Variants in LRRC7 observed in about 807,000 individuals in gnomAD.
LRRC7 encodes the protein leucine-rich repeat-containing protein 7.
A neutral mutation model predicts 175.7 loss-of-function variants in LRRC7; 23 were observed. That is an observed-to-expected ratio of 0.13 (90% CI 0.09 to 0.19). The LOEUF is 0.19. Ranked by LOEUF, LRRC7 falls within the 10% of genes least tolerant of loss-of-function variation. The pLI, the probability that LRRC7 is intolerant of heterozygous loss-of-function variation, is 1.00. For synonymous variants in LRRC7, 685 were observed against 680.9 expected, an observed-to-expected ratio of 1.01 and a Z score of -0.09; for missense variants, 1,354 against 1,904.7, an observed-to-expected ratio of 0.71 and a Z score of 5.38.
At chr1:70,114,332 T>G (rs1014695215) in intron 26 of LRRC7, among the ~76,000 whole-genome samples, 3 of 152,164 alleles carry the variant, frequency 2.0e-5, no homozygotes, top group Non-Finnish European at 4.4e-5. Flanking sequence ...GAGTAAGATT[T>G]TAATACAATT....
chr1:70,022,024 C>T (rs1178087992), intron 16 of LRRC7, among the ~76,000 whole-genome samples: 1 of 152,110 alleles, frequency 6.6e-6, no homozygotes, highest in Non-Finnish European at 1.5e-5. Flanking sequence ...CCTCTCCTTT[C>T]CACATTTTCT....
chr1:70,020,359 T>C (rs993911573), intron 15 of LRRC7, among the ~76,000 whole-genome samples: 1 of 152,022 alleles, frequency 6.6e-6, no homozygotes, highest in African/African-American at 2.4e-5. Context: ...CCCTGTTAAT[T>C]TGACATATTT....
At chr1:69,662,865 G>GA (rs933492531) in intron 1 of LRRC7, among the ~76,000 whole-genome samples, 9 of 152,028 alleles carry the variant, frequency 5.9e-5, no homozygotes, top group South Asian at 4.1e-4. Context: ...ACTTTCCTTG[G>GA]AAAAAAACTT....
At chr1:70,114,288 T>A (rs1200222271) in intron 26 of LRRC7, among the ~76,000 whole-genome samples, 1 of 152,196 alleles carries the variant, frequency 6.6e-6, no homozygotes, top group Non-Finnish European at 1.5e-5. Flanking sequence ...AATGTTTAGG[T>A]AAATAATTGC....
intron 8 of LRRC7, among the ~76,000 whole-genome samples, chr1:69,939,043 ATATC>A (rs1557911234): frequency 1.5e-5 from 1 of 64,870 alleles, no homozygotes; most frequent in Non-Finnish European, 3.9e-5. Context: ...ATATATATCT[ATATC>A]TATCTCACAG....
In LRRC7 at chr1:69,807,270, T is replaced by C. The variant is rs1039563922; in HGVS notation, c.421+15110T>C. ...ATCCAATTTGCCAGTCTGTGTCTTT[T>C]AATTGGAGCATTTAGCCCATTTTCA... On this transcript the variant is annotated intron_variant, in intron 4 of 26. Transcript: ENST00000651989. Among the ~76,000 whole-genome samples, 5 of 152,122 alleles carry C rather than the reference T, an allele frequency of 3.3e-5. No homozygotes were observed. The South Asian group carries it at 8.3e-4, about 25-fold the overall frequency.
chr1:69,765,510 T>A (rs1287920324), intron 3 of LRRC7, among the ~76,000 whole-genome samples: 1 of 152,078 alleles, frequency 6.6e-6, no homozygotes, highest in African/African-American at 2.4e-5. Context: ...TGAATATTTT[T>A]AGCAATGGAA....
At chr1:70,023,412 T>C in intron 17 of LRRC7, 38 bp downstream of exon 17, 6 of 1,508,704 alleles carry the variant, frequency 4.0e-6, no homozygotes, top group Non-Finnish European at 5.4e-6. Context: ...ATCTCCCATG[T>C]AGAGGCAACC....
At chr1:69,734,566 G>C (rs1198077405) in intron 2 of LRRC7, among the ~76,000 whole-genome samples, 1 of 151,648 alleles carries the variant, frequency 6.6e-6, no homozygotes, top group African/African-American at 2.4e-5. Flanking sequence ...TTCTATATTT[G>C]TTTAACCACT....
intron 7 of LRRC7, among the ~76,000 whole-genome samples, chr1:69,920,533 A>T (rs940963577): frequency 3.3e-5 from 5 of 152,210 alleles, no homozygotes; most frequent in African/African-American, 4.8e-5. Flanking sequence ...ACACTGAAGC[A>T]TAAGATATCA....
intron 5 of LRRC7, among the ~76,000 whole-genome samples, chr1:69,828,442 C>A (rs1254622000): frequency 1.3e-5 from 2 of 152,058 alleles, no homozygotes; most frequent in African/African-American, 2.4e-5. Flanking sequence ...TTGGTTCCAT[C>A]AGTTTTTTAT....
intron 11 of LRRC7, among the ~76,000 whole-genome samples, chr1:70,008,745 A>C (rs192605189): frequency 6.6e-6 from 1 of 152,292 alleles, no homozygotes; most frequent in Admixed American, 6.5e-5. Flanking sequence ...TTAATGGTTA[A>C]ATTATTTGGT....
chr1:69,812,550 TA>T (rs1678020873), intron 4 of LRRC7, among the ~76,000 whole-genome samples: 3 of 152,072 alleles, frequency 2.0e-5, no homozygotes, highest in Non-Finnish European at 4.4e-5. Flanking sequence ...AATTGAAAAA[TA>T]AAATTACAAA....
chr1:70,082,653 T>G (rs1328326189), intron 24 of LRRC7, among the ~76,000 whole-genome samples: 1 of 152,078 alleles, frequency 6.6e-6, no homozygotes, highest in African/African-American at 2.4e-5. Context: ...TCTTTAAAAT[T>G]TATTTCCAGA....
rs1225118378 is a variant in LRRC7, at chr1:69,652,649, C to CCTAT, written c.3-25729_3-25726dup. Among the ~76,000 whole-genome samples, 3 of 151,834 alleles carry CCTAT rather than the reference C, an allele frequency of 2.0e-5. No individual in the cohort carries two copies. The East Asian group carries it at 5.8e-4, about 29-fold the overall frequency. On this transcript the variant is annotated intron_variant, in intron 1 of 26. Coordinates refer to ENST00000651989, the MANE Select transcript of LRRC7 (RefSeq NM_001370785.2). ...CAATTCTATAATTTGGAAAAACTCC[C>CCTAT]CTATCTCCCATGGAACCTCAAAGGA...
At chr1:70,032,837 A>G (rs2102008794) in intron 18 of LRRC7, among the ~76,000 whole-genome samples, 1 of 152,322 alleles carries the variant, frequency 6.6e-6, no homozygotes, top group African/African-American at 2.4e-5. Flanking sequence ...GTGGAAGGGC[A>G]ATTGTGAGAA....
At chr1:69,880,971 C>A (rs1245465957) in intron 7 of LRRC7, among the ~76,000 whole-genome samples, 1 of 152,120 alleles carries the variant, frequency 6.6e-6, no homozygotes, top group Non-Finnish European at 1.5e-5. Flanking sequence ...AATCTGCTTC[C>A]CTTTATTAGT....
intron 25 of LRRC7, among the ~76,000 whole-genome samples, 164 bp from the exon 26 acceptor site, chr1:70,107,588 T>G (rs1488133285): frequency 6.6e-6 from 1 of 152,200 alleles, no homozygotes; most frequent in South Asian, 2.1e-4. Context: ...AAACTTGACT[T>G]GGAGAGTGCT....
intron 23 of LRRC7, among the ~76,000 whole-genome samples, chr1:70,060,539 TAAATAG>T (rs1463205208): frequency 1.3e-5 from 2 of 152,034 alleles, no homozygotes; most frequent in Non-Finnish European, 2.9e-5. Flanking sequence ...GTAGCTTATT[TAAATAG>T]AAATAGAAGA....
Sources: allele counts gnomAD v4.1 joint callset (sites outside exome capture counted in the v4.1 genomes callset), GRCh38; gene constraint gnomAD v4.1.1; transcripts MANE v1.5; gene names NCBI Gene and HGNC (gene_info 2026-07-23, HGNC 2026-07-21).